The following NFATC4 variants were observed in gnomAD, a reference collection of about 807,000 sequenced individuals.
The protein encoded by NFATC4 is nuclear factor of activated T cells 4.
A neutral mutation model predicts 73.4 loss-of-function variants in NFATC4; 25 were observed. The ratio of observed to expected loss-of-function variants is 0.34; its 90% CI spans 0.25 to 0.48. The LOEUF is 0.48. NFATC4 is among the 20% of genes least tolerant of loss of function. The pLI is 0.99. For synonymous variants in NFATC4, 523 were observed against 510.3 expected (o/e 1.02, Z -0.34); for missense variants, 1,130 against 1,203.7 (o/e 0.94, Z 0.91).
upstream of NFATC4, chr14:24,366,978 G>A: frequency 1.9e-6 from 3 of 1,579,306 alleles, no homozygotes; most frequent in Non-Finnish European, 2.6e-6. Context: ...TTGGGGGTGC[G>A]GCCCTGAACC....
Position 24,369,805 on chromosome 14 carries a change from A to ATGCCTGGG in NFATC4, c.408_415dup (p.Gly139ValfsTer67). ...CCAGCAGCGCTGGAGGACAACCCTG[A>ATGCCTGGG]TGCCTGGGGGGACGGCTCTCCTAGA... On this transcript the variant is annotated frameshift_variant, in exon 2 of 10. Coordinates refer to ENST00000250373, the MANE Select transcript of NFATC4 (RefSeq NM_004554.5). LOFTEE classifies it high-confidence loss of function. The ATGCCTGGG allele has an allele frequency of 6.3e-7, 1 of 1,598,086 alleles. No homozygotes were observed. The highest frequency in any genetic ancestry group is 8.5e-7 in the Non-Finnish European group (1 of 1,172,266).
intron 6 of NFATC4, chr14:24,374,716 C>T: frequency 2.5e-6 from 1 of 404,660 alleles, no homozygotes; most frequent in Non-Finnish European, 4.5e-6. Context: ...GAGGAGTCTG[C>T]TTTGAGATAA....
At chr14:24,367,469 T>C (rs568126167), upstream of NFATC4, 192 of 1,535,680 alleles carry the variant, frequency 1.3e-4, no homozygotes, top group Admixed American at 9.8e-5. Context: ...CTGGCCTGGA[T>C]CTACGCCCAT....
At chr14:24,367,521 G>T (rs1292670404), upstream of NFATC4, 103 of 1,535,624 alleles carry the variant, frequency 6.7e-5, no homozygotes, top group Non-Finnish European at 1.4e-5. Context: ...AGCCTCTTTG[G>T]CTCGGACTGC....
At chr14:24,371,191 C>T (rs548661919) in intron 2 of NFATC4, among the ~76,000 whole-genome samples, 1 of 152,338 alleles carries the variant, frequency 6.6e-6, no homozygotes, top group Middle Eastern at 3.4e-3. Context: ...TTTCAATAAT[C>T]TTAAATCTTG....
At chr14:24,372,957 G>A in intron 3 of NFATC4, 1 of 615,846 alleles carries the variant, frequency 1.6e-6, no homozygotes, top group South Asian at 2.0e-5. Flanking sequence ...TTCTGCCTTT[G>A]CCCAGCCCAC....
chr14:24,369,207 C>T lies in NFATC4; in HGVS notation c.101-292C>T, dbSNP rs1026014673. The stretch of plus-strand genomic sequence containing the variant: ...TGCCTCAAGAAACACGCCTCCAGGC[C>T]CAGCCCCAGCTCCAGCCCCTCTGGA... On this transcript the variant is annotated intron_variant, in intron 1 of 9. Transcript: ENST00000250373. 4.9e-5 allele frequency: 75 copies of T among 1,528,838 alleles called. No homozygotes were observed. The African/African-American group carries it at 7.1e-4, about 15-fold the overall frequency. 94.7% of individuals were successfully genotyped at this position (1,528,838 alleles called of 1,614,324 possible).
rs1594701584 is a variant in NFATC4, at chr14:24,369,569, A to C, written c.171A>C (p.Ala57=). The C allele has an allele frequency of 6.2e-7, 1 of 1,611,972 alleles. No homozygotes were observed. The highest frequency in any genetic ancestry group is 8.5e-7 in the Non-Finnish European group (1 of 1,179,060). ...ALGEPPPYGA[A]PIGIPRPPPP... ...GAGAGCCCCCTCCCTATGGCGCTGC[A>C]CCTATCGGTATTCCCCGACCTCCAC... is the stretch of plus-strand genomic sequence containing the variant. Residue 57 remains alanine, a synonymous_variant, in exon 2 of 10, where the codon GCA becomes GCC. Coordinates refer to ENST00000250373, the MANE Select transcript of NFATC4 (RefSeq NM_004554.5).
chr14:24,373,131 T>TGGGGATTTCAATGAGGTGG lies in NFATC4; in HGVS notation c.1360-39_1360-21dup, dbSNP rs2042518211. Reference sequence around the variant, plus strand: ...TAGGGATGAATAAAGGATGAGACGGTGGGGATTTCAATGAGGTGGCCGCTC... The same window carrying TGGGGATTTCAATGAGGTGG: ...TAGGGATGAATAAAGGATGAGACGGTGGGGATTTCAATGAGGTGGGGGGATTTCAATGAGGTGGCCGCTC... On this transcript the variant is annotated intron_variant, in intron 3 of 9. Coordinates refer to ENST00000250373, the MANE Select transcript of NFATC4 (RefSeq NM_004554.5). This position sits in a 1 kb window ranked among gnomAD's most constrained non-coding sequence, Gnocchi z 4.7. 2 of 1,586,166 alleles carry TGGGGATTTCAATGAGGTGG rather than the reference T, an allele frequency of 1.3e-6. No homozygotes were observed. Among genetic ancestry groups the TGGGGATTTCAATGAGGTGG allele is most frequent in the South Asian group, 2.2e-5 (2 of 90,228 alleles).
Position 24,376,641 on chromosome 14 carries a change from G to A in NFATC4, c.2404G>A (p.Gly802Arg), listed in dbSNP as rs773647671. ...AGGGCGGGGCTCCTCTTTCTCCCTG[G>A]GGCTGCCATTCTCTCCGCCAGCCCC... The part of the protein sequence containing the change: ...YGGRGSSFSL[G>R]LPFSPPAPFR... Residue 802 changes from glycine (G) to arginine (R), a missense_variant, in exon 9 of 10, where the codon GGG (glycine) becomes AGG (arginine). By Grantham distance (125) the Gly-to-Arg change is moderately radical. Coordinates refer to ENST00000250373, the MANE Select transcript of NFATC4 (RefSeq NM_004554.5). This position sits in a 1 kb window ranked among gnomAD's most constrained non-coding sequence, Gnocchi z 5.0. 3.2e-5 allele frequency: 51 copies of A among 1,613,134 alleles called. No individual in the cohort carries two copies. The South Asian group carries it at 5.2e-4, about 16-fold the overall frequency.
Position 24,369,581 on chromosome 14 carries a change from T to A in NFATC4, c.183T>A (p.Ile61=), listed in dbSNP as rs772916548. ...PPPYGAAPIG[I]PRPPPPRPGM... ...CCTATGGCGCTGCACCTATCGGTAT[T>A]CCCCGACCTCCACCCCCTCGGCCTG... The change falls in exon 2 of 10, where the codon ATT becomes ATA. Residue 61 remains isoleucine (I), a synonymous_variant. Coordinates refer to ENST00000250373, the MANE Select transcript of NFATC4 (RefSeq NM_004554.5). 3.0e-5 allele frequency: 49 copies of A among 1,612,554 alleles called. No homozygotes were observed. The highest frequency in any genetic ancestry group is 3.8e-5 in the Non-Finnish European group (45 of 1,179,374).
rs1428243621 is a variant in NFATC4 at position 24,377,183 on chromosome 14, T to C, written c.2641+305T>C. On this transcript the variant is annotated intron_variant, in intron 9 of 9. Transcript: ENST00000250373. The surrounding 1 kb of genome is among the most constrained non-coding windows in gnomAD (Gnocchi z 4.2). ...GATCATTCCATCCAGCGCATTCAAT[T>C]TGCAAGTTTAGGCGTTGAGTTCCAG... 3.1e-6 allele frequency: 4 copies of C among 1,275,138 alleles called. No homozygotes were observed. Among genetic ancestry groups the C allele is most frequent in the Non-Finnish European group, 3.0e-6 (3 of 1,013,668 alleles). The allele number at this position is 1,275,138 out of a possible 1,614,324, so 79.0% of individuals were successfully genotyped here.
intron 5 of NFATC4, chr14:24,374,079 C>T (rs1299707310): frequency 5.7e-6 from 5 of 881,104 alleles, no homozygotes; most frequent in Non-Finnish European, 9.1e-6. Flanking sequence ...CTATCTATTC[C>T]TGGGGTGCCC....
At position 24,370,040 on chromosome 14, in the gene NFATC4, G is replaced by T. The variant is rs767678206; in HGVS notation, c.642G>T (p.Pro214=). The T allele has an allele frequency of 2.5e-6, 4 of 1,609,826 alleles. No individual in the cohort carries two copies. The Admixed American group carries it at 5.0e-5, about 20-fold the overall frequency. The change falls in exon 2 of 10, where the codon CCG becomes CCT. Residue 214 remains proline, a synonymous_variant. Transcript: ENST00000250373. ...EAASRFGLGS[P]LPSPRASPRP... is the part of the protein sequence containing the mutation. The stretch of plus-strand genomic sequence containing the variant: ...CCTCCCGCTTTGGCCTGGGCTCCCC[G>T]CTGCCCTCGCCCCGGGCCTCCCCTC...
At chr14:24,375,810 C>T in intron 7 of NFATC4, 95 bp downstream of exon 7, 2 of 1,554,036 alleles carry the variant, frequency 1.3e-6, no homozygotes, top group Middle Eastern at 2.2e-4. Context: ...GTGGACTTTT[C>T]TGGAGGAGGG....
chr14:24,369,749 C>T lies in NFATC4; in HGVS notation c.351C>T (p.Arg117=), dbSNP rs760190255. 6.2e-7 allele frequency: 1 copy of T among 1,605,208 alleles called. No homozygotes were observed. The highest frequency in any genetic ancestry group is 8.5e-7 in the Non-Finnish European group (1 of 1,176,030). The change falls in exon 2 of 10, where the codon CGC becomes CGT. Residue 117 remains arginine, a synonymous_variant. Transcript: ENST00000250373. ...GGRVLECPSI[R]ITSISPTPEP... ...GTGTTCTCGAGTGTCCCAGCATCCG[C>T]ATCACCTCCATCTCTCCCACGCCGG...
At position 24,370,492 on chromosome 14, in the gene NFATC4, C is replaced by T. The variant is rs2042446012; in HGVS notation, c.1094C>T (p.Pro365Leu). The T allele has an allele frequency of 1.2e-6, 2 of 1,614,144 alleles. No homozygotes were observed. The highest frequency in any genetic ancestry group is 1.7e-6 in the Non-Finnish European group (2 of 1,180,020). Residue 365 changes from proline to leucine, a missense_variant, in exon 2 of 10, where the codon CCA (proline) becomes CTA (leucine). Coordinates refer to ENST00000250373, the MANE Select transcript of NFATC4 (RefSeq NM_004554.5). ...PLGAEESVAP[P>L]GGSRKEVAGM... is the part of the protein sequence containing the mutation. Reference sequence around the variant, plus strand: ...GGAGCAGAGGAGTCTGTGGCTCCTCCAGGAGGTTCCCGGAAGGAGGTGGCT... The same window carrying T: ...GGAGCAGAGGAGTCTGTGGCTCCTCTAGGAGGTTCCCGGAAGGAGGTGGCT...
chr14:24,369,579 A>T lies in NFATC4; in HGVS notation c.181A>T (p.Ile61Phe). 6.2e-7 allele frequency: 1 copy of T among 1,612,446 alleles called. No individual in the cohort carries two copies. Among genetic ancestry groups the T allele is most frequent in the South Asian group, 1.1e-5 (1 of 90,952 alleles). ...TCCCTATGGCGCTGCACCTATCGGT[A>T]TTCCCCGACCTCCACCCCCTCGGCC... is the stretch of plus-strand genomic sequence containing the variant. The part of the protein sequence containing the change: ...PPPYGAAPIG[I>F]PRPPPPRPGM... Residue 61 changes from isoleucine (I) to phenylalanine (F), a missense_variant, in exon 2 of 10, where the codon ATT (isoleucine) becomes TTT (phenylalanine). Ile to Phe is a conservative substitution (Grantham distance 21). Transcript: ENST00000250373.
Position 24,369,889 on chromosome 14 carries a change from G to A in NFATC4, c.491G>A (p.Gly164Glu), listed in dbSNP as rs1446941992. The A allele has an allele frequency of 6.2e-7, 1 of 1,611,486 alleles. No homozygotes were observed. Among genetic ancestry groups the A allele is most frequent in the Non-Finnish European group, 8.5e-7 (1 of 1,179,286 alleles). The change falls in exon 2 of 10, where the codon GGG (glycine) becomes GAG (glutamate). Residue 164 changes from glycine (G) to glutamate (E), a missense_variant. Transcript: ENST00000250373. ...GYREAGGQGG[G>E]AFFSPSPGSS... ...AGAGAAGCAGGGGGCCAGGGTGGGGGGGCCTTCTTCAGCCCAAGCCCTGGC... is the reference window on the plus strand; with the variant it reads ...AGAGAAGCAGGGGGCCAGGGTGGGGAGGCCTTCTTCAGCCCAAGCCCTGGC...
Sources: allele counts gnomAD v4.1 joint callset (sites outside exome capture counted in the v4.1 genomes callset), GRCh38; gene constraint gnomAD v4.1.1; non-coding constraint Gnocchi (gnomAD v3.1); transcripts MANE v1.5; gene names NCBI Gene and HGNC (gene_info 2026-07-23, HGNC 2026-07-21).